NPSR1: variants seen among roughly 807,000 people sequenced by gnomAD.
NPSR1 encodes the protein neuropeptide S receptor 1.
NPSR1 carries 48 observed loss-of-function variants against 46.9 expected under a neutral mutation model. That is an observed-to-expected ratio of 1.02 (90% CI 0.81 to 1.30). NPSR1 has a LOEUF of 1.30. Ranked by LOEUF, NPSR1 falls within the 50% of genes most tolerant of loss-of-function variation. The pLI, the probability that NPSR1 is intolerant of heterozygous loss-of-function variation, is 0.00. For missense variants in NPSR1, 450 were observed against 449.5 expected, an observed-to-expected ratio of 1.00 and a Z score of -0.01; for synonymous variants, 176 against 168.1, an observed-to-expected ratio of 1.05 and a Z score of -0.36.
At chr7:34,757,858 G>T (rs1459137116) in intron 2 of NPSR1, among the ~76,000 whole-genome samples, 1 of 152,192 alleles carries the variant, frequency 6.6e-6, no homozygotes. Context: ...CTTTGCCCCA[G>T]TATGGGGTAC....
chr7:34,873,034 C>G (rs1319037334), intron 8 of NPSR1, among the ~76,000 whole-genome samples: 1 of 151,836 alleles, frequency 6.6e-6, no homozygotes, highest in Non-Finnish European at 1.5e-5. Flanking sequence ...GCCAGATACC[C>G]TAGGCCATCA....
chr7:34,729,827 C>A (rs996615556), intron 2 of NPSR1, among the ~76,000 whole-genome samples: 4 of 152,340 alleles, frequency 2.6e-5, no homozygotes, highest in Admixed American at 1.3e-4. Context: ...GGCTGGAGTG[C>A]AATGGCACGA....
chr7:34,742,207 T>C (rs1436114756), intron 2 of NPSR1, among the ~76,000 whole-genome samples: 1 of 152,056 alleles, frequency 6.6e-6, no homozygotes, highest in Non-Finnish European at 1.5e-5. Context: ...CATGTGAATG[T>C]TTGTTACATA....
chr7:34,874,623 T>C (rs1303680478), intron 8 of NPSR1, among the ~76,000 whole-genome samples: 1 of 152,184 alleles, frequency 6.6e-6, no homozygotes, highest in Non-Finnish European at 1.5e-5. Context: ...TTAAAACCAC[T>C]GAAAGCTGAA....
intron 2 of NPSR1, among the ~76,000 whole-genome samples, chr7:34,695,147 A>C (rs1267715179): frequency 6.6e-6 from 1 of 152,246 alleles, no homozygotes; most frequent in East Asian, 1.9e-4. Context: ...GAATAGAGAA[A>C]GCAGTTAAAA....
At chr7:34,797,077 C>T (rs933483487) in intron 3 of NPSR1, among the ~76,000 whole-genome samples, 5 of 152,060 alleles carry the variant, frequency 3.3e-5, no homozygotes, top group Non-Finnish European at 5.9e-5. Context: ...TATTAGTAAG[C>T]AAAAGTGACA....
At chr7:34,848,444 G>T in intron 7 of NPSR1, 39 bp from the exon 8 acceptor site, 1 of 1,595,894 alleles carries the variant, frequency 6.3e-7, no homozygotes, top group Non-Finnish European at 8.6e-7. Context: ...CCCCTCAACT[G>T]CTACCTGCTG....
chr7:34,766,577 A>AC (rs1049983126), intron 2 of NPSR1, among the ~76,000 whole-genome samples: 121 of 147,286 alleles, frequency 8.2e-4, no homozygotes, highest in Non-Finnish European at 1.4e-3. Context: ...ATGATGAATT[A>AC]TTTTTTTTTT....
At chr7:34,806,642 T>C (rs958359615) in intron 3 of NPSR1, among the ~76,000 whole-genome samples, 17 of 152,090 alleles carry the variant, frequency 1.1e-4, no homozygotes, top group Admixed American at 4.6e-4. Context: ...TGAACCTTAA[T>C]ATAAACAATG....
intron 2 of NPSR1, among the ~76,000 whole-genome samples, chr7:34,710,320 C>T (rs1053536692): frequency 1.3e-5 from 2 of 152,190 alleles, no homozygotes; most frequent in Non-Finnish European, 1.5e-5. Context: ...ACAGTGGCCT[C>T]CCTTTAGGGA....
At chr7:34,844,867 A>C (rs1358893692) in intron 6 of NPSR1, 29 bp from the exon 7 acceptor site, 1 of 1,374,254 alleles carries the variant, frequency 7.3e-7, no homozygotes, top group African/African-American at 1.4e-5. Context: ...TGAACACTTC[A>C]TCTTACTATT....
chr7:34,671,775 A>T (rs181250337), intron 1 of NPSR1, among the ~76,000 whole-genome samples: 5 of 152,294 alleles, frequency 3.3e-5, no homozygotes, highest in African/African-American at 1.2e-4. Flanking sequence ...GTTCAAATCC[A>T]TTCCCTGGTC....
intron 1 of NPSR1, among the ~76,000 whole-genome samples, chr7:34,672,123 T>C (rs1400347862): frequency 1.3e-5 from 2 of 152,218 alleles, no homozygotes; most frequent in Admixed American, 6.5e-5. Context: ...AGTGCTTAAA[T>C]AGCAATTTAA....
Position 34,778,474 on chromosome 7 carries a change from G to T in NPSR1, c.293G>T (p.Gly98Val). ...TQLAITDSFT[G>V]LVNILTDINW... ...ACGTTTTTGTTAGATTCTTTCACAG[G>T]ACTGGTCAACATCTTGACAGATATT... Residue 98 changes from glycine (G) to valine (V), a missense_variant, in exon 3 of 9, where the codon GGA becomes GTA. By Grantham distance (109) the Gly-to-Val change is moderately radical. Coordinates refer to ENST00000360581, the MANE Select transcript of NPSR1 (RefSeq NM_207172.2). 6 of 1,601,392 alleles carry T rather than the reference G, an allele frequency of 3.7e-6. No homozygotes were observed. Among genetic ancestry groups the T allele is most frequent in the Non-Finnish European group, 5.1e-6 (6 of 1,169,658 alleles).
chr7:34,683,446 CAA>C (rs34732541), intron 1 of NPSR1, among the ~76,000 whole-genome samples: 8 of 113,156 alleles, frequency 7.1e-5, no homozygotes, highest in Non-Finnish European at 7.7e-5. Context: ...GACTCTGTCA[CAA>C]AAAAAAAAAA....
At chr7:34,756,963 C>T (rs1401832508) in intron 2 of NPSR1, among the ~76,000 whole-genome samples, 2 of 152,132 alleles carry the variant, frequency 1.3e-5, no homozygotes, top group Admixed American at 1.3e-4. Context: ...TATATGATTG[C>T]CTTCTTCAGA....
chr7:34,761,396 G>A (rs899386324), intron 2 of NPSR1, among the ~76,000 whole-genome samples: 21 of 152,198 alleles, frequency 1.4e-4, no homozygotes, highest in African/African-American at 4.8e-4. Context: ...GGCAAACCCT[G>A]AGGAATCTAA....
intron 2 of NPSR1, among the ~76,000 whole-genome samples, chr7:34,725,756 A>C (rs967273969): frequency 4.6e-5 from 7 of 152,254 alleles, no homozygotes; most frequent in African/African-American, 1.7e-4. Flanking sequence ...GACATCGGAT[A>C]AAGGACTATT....
chr7:34,806,599 T>C (rs992479102), intron 3 of NPSR1, among the ~76,000 whole-genome samples: 1 of 152,074 alleles, frequency 6.6e-6, no homozygotes, highest in African/African-American at 2.4e-5. Context: ...CATTATGCAA[T>C]GGTCAAAACC....
Sources: allele counts gnomAD v4.1 joint callset (sites outside exome capture counted in the v4.1 genomes callset), GRCh38; gene constraint gnomAD v4.1.1; transcripts MANE v1.5; gene names NCBI Gene and HGNC (gene_info 2026-07-23, HGNC 2026-07-21).